The following NOD1 variants were observed in gnomAD, a reference collection of about 807,000 sequenced individuals.
NOD1 encodes the protein nucleotide binding oligomerization domain containing 1.
A neutral mutation model predicts 81.2 loss-of-function variants in NOD1; 70 were observed. The ratio of observed to expected loss-of-function variants is 0.86; its 90% CI spans 0.71 to 1.05. NOD1 has a LOEUF of 1.05. NOD1 is among the 50% of genes least tolerant of loss of function. The probability of loss-of-function intolerance (pLI) is 0.00; values close to 1 mark genes in which losing one functional copy is unlikely to be tolerated. For synonymous variants in NOD1, 508 were observed against 526.9 expected (o/e 0.96, Z 0.49); for missense variants, 1,233 against 1,228.0 (o/e 1.00, Z -0.06).
intron 13 of NOD1, 45 bp from the exon 14 acceptor site, chr7:30,425,755 G>C (rs368748622): frequency 8.6e-5 from 116 of 1,346,512 alleles, no homozygotes; most frequent in Non-Finnish European, 1.2e-4. Flanking sequence ...AAAATGTTAA[G>C]GATCCTCGCA....
In NOD1 at chr7:30,451,977, C is replaced by T. The variant is rs1785776281; in HGVS notation, c.1440G>A (p.Gln480=). 3.1e-6 allele frequency: 5 copies of T among 1,613,610 alleles called. No individual in the cohort carries two copies. The highest frequency in any genetic ancestry group is 4.2e-6 in the Non-Finnish European group (5 of 1,180,004). Residue 480 remains glutamine (Q), a synonymous_variant, in exon 6 of 14, where the codon CAG becomes CAA. Coordinates refer to ENST00000222823, the MANE Select transcript of NOD1 (RefSeq NM_006092.4). The surrounding 1 kb of genome is among the most constrained non-coding windows in gnomAD (Gnocchi z 4.2). ...GMEKSLFVFT[Q]EEVQASGLQE... is the part of the protein sequence containing the mutation. ...GCAGCCCGGAGGCCTGCACCTCCTC[C>T]TGGGTGAAGACAAAGAGGCTCTTCT...
intron 13 of NOD1, among the ~76,000 whole-genome samples, chr7:30,428,818 T>C (rs1179131383): frequency 6.6e-6 from 1 of 152,096 alleles, no homozygotes; most frequent in African/African-American, 2.4e-5. Context: ...GTCTGTGCCT[T>C]ATGGGAGGCA....
rs1583763875 is a variant in NOD1, at chr7:30,452,081, T to G, written c.1336A>C (p.Thr446Pro). Residue 446 changes from threonine to proline, a missense_variant, in exon 6 of 14, where the codon ACA becomes CCA. By Grantham distance (38) the Thr-to-Pro change is conservative (BLOSUM62 -1). Coordinates refer to ENST00000222823, the MANE Select transcript of NOD1 (RefSeq NM_006092.4). Reference protein sequence around the residue: ...MQPSSLVQRNTRSPVETLHAG... With the variant: ...MQPSSLVQRNPRSPVETLHAG... ...TGGAGGGTCTCCACTGGGCTGCGTG[T>G]GTTCCGCTGCACCAGGCTGCTGGGC... is the stretch of plus-strand genomic sequence containing the variant. 6.2e-7 allele frequency: 1 copy of G among 1,613,718 alleles called. No individual in the cohort carries two copies. The highest frequency in any genetic ancestry group is 8.5e-7 in the Non-Finnish European group (1 of 1,179,986).
Position 30,427,806 on chromosome 7 carries a change from C to T in NOD1, c.2789+1568G>A, listed in dbSNP as rs778874726. ...AAAGCAACTGTAGGTCTTTACTACC[C>T]GCCTGACCAGCTACAGAGAAAAGTG... On this transcript the variant is annotated intron_variant, in intron 13 of 13. Transcript: ENST00000222823. 5.3e-5 allele frequency among the ~76,000 whole-genome samples: 8 copies of T among 152,326 alleles called. No homozygotes were observed. The South Asian group carries it at 6.2e-4, about 12-fold the overall frequency.
rs1382705301 is a variant in NOD1 at position 30,452,170 on chromosome 7, T to C, written c.1247A>G (p.Asp416Gly). 1 of 1,613,934 alleles carries C rather than the reference T, an allele frequency of 6.2e-7. No homozygotes were observed. The highest frequency in any genetic ancestry group is 8.5e-7 in the Non-Finnish European group (1 of 1,180,008). Residue 416 changes from aspartate (D) to glycine (G), a missense_variant, in exon 6 of 14, where the codon GAC becomes GGC. Physicochemically the swap from Asp to Gly is moderately conservative, Grantham distance 94. Transcript: ENST00000222823. ...GACATCTGTCAGGGTCATCGTGCAG[T>C]CGGGCAGCTGTGGTGAGCCTTCAAA... ...AAFEGSPQLP[D>G]CTMTLTDVFL... is the part of the protein sequence containing the mutation.
chr7:30,473,782 G>A (rs1264601203), intron 1 of NOD1, among the ~76,000 whole-genome samples: 3 of 152,150 alleles, frequency 2.0e-5, no homozygotes, highest in Non-Finnish European at 4.4e-5. Context: ...ATAAGCAGGG[G>A]TGGGGGTACT....
intron 12 of NOD1, among the ~76,000 whole-genome samples, chr7:30,431,962 A>G (rs1346240282): frequency 6.6e-6 from 1 of 152,072 alleles, no homozygotes; most frequent in Non-Finnish European, 1.5e-5. Context: ...AAAATGAGAC[A>G]GGCATGGTGG....
chr7:30,451,352 A>G lies in NOD1; in HGVS notation c.2065T>C (p.Ser689Pro). The change falls in exon 6 of 14, where the codon TCG becomes CCG. Residue 689 changes from serine (S) to proline (P), a missense_variant. By Grantham distance (74) the Ser-to-Pro change is moderately conservative (BLOSUM62 -1). Transcript: ENST00000222823. This position sits in a 1 kb window ranked among gnomAD's most constrained non-coding sequence, Gnocchi z 4.2. ...AAGGAGAGGGCGCTGCAGTCGGCCG[A>G]GCAGGCGTTGCAGTAGGTCAGCTTG... The part of the protein sequence containing the change: ...YLKLTYCNAC[S>P]ADCSALSFVL... 1 of 1,614,168 alleles carries G rather than the reference A, an allele frequency of 6.2e-7. No homozygotes were observed. Among genetic ancestry groups the G allele is most frequent in the Non-Finnish European group, 8.5e-7 (1 of 1,180,038 alleles).
chr7:30,435,698 C>G (rs372642760), intron 11 of NOD1, among the ~76,000 whole-genome samples: 1 of 152,132 alleles, frequency 6.6e-6, no homozygotes, highest in South Asian at 2.1e-4. Flanking sequence ...GTGGCTCACA[C>G]CTGCAATCCC....
chr7:30,456,759 C>A lies in NOD1; in HGVS notation c.163G>T (p.Ala55Ser), dbSNP rs1243444671. ...LKNDYFSAED[A>S]EIVCACPTQP... ...GTGGGGCAGGCACACACAATCTCCG[C>A]ATCTTCGGCCGAGAAGTAGTCATTC... The change falls in exon 4 of 14, where the codon GCG (alanine) becomes TCG (serine). Residue 55 changes from alanine to serine, a missense_variant. By Grantham distance (99) the Ala-to-Ser change is moderately conservative. Transcript: ENST00000222823. The A allele has an allele frequency of 6.2e-7, 1 of 1,614,074 alleles. No homozygotes were observed. The highest frequency in any genetic ancestry group is 1.3e-5 in the African/African-American group (1 of 74,936).
rs551880326 is a variant in NOD1, at chr7:30,447,076, A to C, written c.2286-26T>G. 2.4e-5 allele frequency: 39 copies of C among 1,612,562 alleles called. No homozygotes were observed. In the South Asian group the frequency reaches 3.4e-4, roughly 14 times the overall value. ...CTTCAAGAGAAAGCACAGCCATGAG[A>C]CTTTCTGGCTCCTGATGTCATTTTA... is the stretch of plus-strand genomic sequence containing the variant. On this transcript the variant is annotated intron_variant, in intron 7 of 13. Coordinates refer to ENST00000222823, the MANE Select transcript of NOD1 (RefSeq NM_006092.4).
chr7:30,448,218 G>A, intron 7 of NOD1, 80 bp downstream of exon 7: 2 of 1,184,922 alleles, frequency 1.7e-6, no homozygotes, highest in African/African-American at 1.5e-5. Context: ...CGATCATCCA[G>A]GGACCTATGG....
intron 1 of NOD1, chr7:30,460,499 G>T (rs1026005243): frequency 5.1e-6 from 5 of 985,412 alleles, no homozygotes; most frequent in Non-Finnish European, 4.8e-6. Context: ...GCAGACCAAT[G>T]GGGACTGAAG....
rs184016727 is a variant in NOD1 at position 30,435,518 on chromosome 7, C to A, written c.2621+480G>T. Among the ~76,000 whole-genome samples the A allele has an allele frequency of 9.9e-5, 15 of 152,254 alleles. No homozygotes were observed. In the East Asian group the frequency reaches 2.9e-3, roughly 29 times the overall value. On this transcript the variant is annotated intron_variant, in intron 11 of 13. Coordinates refer to ENST00000222823, the MANE Select transcript of NOD1 (RefSeq NM_006092.4). The stretch of plus-strand genomic sequence containing the variant: ...CTTCCTCCTCCTGTACCTGTTTATG[C>A]TTGTAGAAGTGGCTATTCTCTTCTC...
intron 4 of NOD1, among the ~76,000 whole-genome samples, chr7:30,456,016 G>A (rs772375622): frequency 1.3e-5 from 2 of 152,210 alleles, no homozygotes; most frequent in Non-Finnish European, 2.9e-5. Context: ...GTAGGAGGGC[G>A]ATAGGCCATA....
rs528308688 is a variant in NOD1 at position 30,459,537 on chromosome 7, G to GA, written c.-210-298dup. Among the ~76,000 whole-genome samples the GA allele has an allele frequency of 5.3e-5, 8 of 151,928 alleles. No individual in the cohort carries two copies. The South Asian group carries it at 1.0e-3, about 20-fold the overall frequency. ...GAATGTAATGTCACCATTAGAAACA[G>GA]AAAAAAAATATCCTTTGCAATACAT... On this transcript the variant is annotated intron_variant, in intron 2 of 13. Transcript: ENST00000222823.
In NOD1 at chr7:30,467,032, A is replaced by G. The variant is rs1394602628; in HGVS notation, c.-351-6991T>C. On this transcript the variant is annotated intron_variant, in intron 1 of 13. Transcript: ENST00000222823. This position sits in a 1 kb window ranked among gnomAD's most constrained non-coding sequence, Gnocchi z 4.5. ...AGAATTACTGGGTTGGTATCCCTAA[A>G]AGCCAAGCCGACCAGTGATGAAAAA... Among the ~76,000 whole-genome samples, 1 of 152,204 alleles carries G rather than the reference A, an allele frequency of 6.6e-6. No homozygotes were observed. Among genetic ancestry groups the G allele is most frequent in the Admixed American group, 6.5e-5 (1 of 15,282 alleles).
chr7:30,429,492 A>C, intron 12 of NOD1, 35 bp from the exon 13 acceptor site: 1 of 1,583,586 alleles, frequency 6.3e-7, no homozygotes, highest in African/African-American at 1.3e-5. Context: ...AAAATCCATA[A>C]TACTGGATCA....
intron 9 of NOD1, among the ~76,000 whole-genome samples, chr7:30,438,255 T>C (rs1474671277): frequency 6.6e-6 from 1 of 152,160 alleles, no homozygotes; most frequent in Non-Finnish European, 1.5e-5. Context: ...TTCTGTCCCC[T>C]ACAGCAGATC....
Sources: allele counts gnomAD v4.1 joint callset (sites outside exome capture counted in the v4.1 genomes callset), GRCh38; gene constraint gnomAD v4.1.1; non-coding constraint Gnocchi (gnomAD v3.1); transcripts MANE v1.5; gene names NCBI Gene and HGNC (gene_info 2026-07-23, HGNC 2026-07-21).